SLC9A9: variants seen among roughly 807,000 people sequenced by gnomAD.
SLC9A9 encodes the protein sodium/hydrogen exchanger 9.
SLC9A9 carries 62 observed loss-of-function variants against 77.8 expected under a neutral mutation model. The ratio of observed to expected loss-of-function variants is 0.80; its 90% CI spans 0.65 to 0.98. SLC9A9 has a LOEUF of 0.98. SLC9A9 is among the 50% of genes least tolerant of loss of function. SLC9A9 has a pLI of 0.00. For missense variants in SLC9A9, 775 were observed against 774.9 expected (o/e 1.00, Z 0.00); for synonymous variants, 320 against 283.5 (o/e 1.13, Z -1.29).
chr3:143,749,684 C>T (rs542383932), intron 4 of SLC9A9, among the ~76,000 whole-genome samples: 6 of 152,254 alleles, frequency 3.9e-5, no homozygotes, highest in Non-Finnish European at 5.9e-5. Context: ...ATTTCCAGGA[C>T]GAAGTGGTTC....
chr3:143,644,768 T>C (rs568900476), intron 6 of SLC9A9, among the ~76,000 whole-genome samples: 1 of 152,278 alleles, frequency 6.6e-6, no homozygotes, highest in Admixed American at 6.5e-5. Flanking sequence ...CCATAACTTT[T>C]TTTTTTTTTA....
At chr3:143,773,003 G>A (rs1168905060) in intron 4 of SLC9A9, among the ~76,000 whole-genome samples, 2 of 152,192 alleles carry the variant, frequency 1.3e-5, no homozygotes, top group Non-Finnish European at 2.9e-5. Flanking sequence ...CTATACAGAA[G>A]ATCATTGTTG....
intron 14 of SLC9A9, among the ~76,000 whole-genome samples, chr3:143,355,067 C>T (rs1176290990): frequency 6.6e-6 from 1 of 152,190 alleles, no homozygotes; most frequent in Non-Finnish European, 1.5e-5. Context: ...AGTGAAACAA[C>T]TGCATGTGCA....
chr3:143,815,203 A>T (rs1327978806), intron 2 of SLC9A9, among the ~76,000 whole-genome samples: 1 of 152,254 alleles, frequency 6.6e-6, no homozygotes, highest in African/African-American at 2.4e-5. Flanking sequence ...ACTCAAAGAC[A>T]TTCAAATCTG....
intron 14 of SLC9A9, among the ~76,000 whole-genome samples, chr3:143,295,604 G>C (rs570351139): frequency 6.6e-6 from 1 of 152,130 alleles, no homozygotes; most frequent in Admixed American, 6.6e-5. Flanking sequence ...TTAAAGAAAG[G>C]TTGCCCCTAT....
intron 4 of SLC9A9, among the ~76,000 whole-genome samples, chr3:143,720,248 TA>T (rs1413630746): frequency 7.0e-6 from 1 of 143,042 alleles, no homozygotes; most frequent in African/African-American, 2.5e-5. Flanking sequence ...TTTATATATA[TA>T]TATTTTTTTT....
At chr3:143,770,327 C>G (rs1212551457) in intron 4 of SLC9A9, among the ~76,000 whole-genome samples, 1 of 151,992 alleles carries the variant, frequency 6.6e-6, no homozygotes, top group African/African-American at 2.4e-5. Flanking sequence ...TAGTAAGGTA[C>G]TAGTGCTTAA....
intron 4 of SLC9A9, among the ~76,000 whole-genome samples, chr3:143,783,844 G>A (rs994832651): frequency 2.6e-5 from 4 of 152,112 alleles, no homozygotes; most frequent in Non-Finnish European, 4.4e-5. Context: ...TCCAAGGCCC[G>A]GGAAAGGTGT....
rs140905936 is a variant in SLC9A9, at chr3:143,284,488, C to T, written c.1605-15508G>A. On this transcript the variant is annotated intron_variant, in intron 14 of 15. Coordinates refer to ENST00000316549, the MANE Select transcript of SLC9A9 (RefSeq NM_173653.4). Reference sequence around the variant, plus strand: ...TTGATTGTGACCTTCAGCCAGAATTCGTCTCTAAATATTTTAGCAGGATGG... The same window carrying T: ...TTGATTGTGACCTTCAGCCAGAATTTGTCTCTAAATATTTTAGCAGGATGG... Among the ~76,000 whole-genome samples the T allele has an allele frequency of 3.6e-4, 54 of 150,998 alleles. No individual in the cohort carries two copies. The East Asian group carries it at 6.8e-3, about 19-fold the overall frequency.
intron 11 of SLC9A9, among the ~76,000 whole-genome samples, chr3:143,483,707 C>A (rs772660975): frequency 4.6e-5 from 7 of 152,180 alleles, no homozygotes; most frequent in African/African-American, 7.2e-5. Flanking sequence ...GAATCCACTT[C>A]TGCTTGGAAA....
At chr3:143,316,931 A>G (rs1303937746) in intron 14 of SLC9A9, among the ~76,000 whole-genome samples, 1 of 152,122 alleles carries the variant, frequency 6.6e-6, no homozygotes, top group Non-Finnish European at 1.5e-5. Context: ...GCACATGATC[A>G]CACAGATACT....
intron 9 of SLC9A9, among the ~76,000 whole-genome samples, chr3:143,512,284 T>A (rs1559946942): frequency 6.6e-6 from 1 of 152,228 alleles, no homozygotes; most frequent in Non-Finnish European, 1.5e-5. Context: ...ACTGAGCAAT[T>A]ACACTTACTA....
At chr3:143,771,299 T>C (rs538413892) in intron 4 of SLC9A9, among the ~76,000 whole-genome samples, 2 of 152,286 alleles carry the variant, frequency 1.3e-5, no homozygotes, top group Admixed American at 1.3e-4. Context: ...GTTCACTGAG[T>C]GCCAACTCTT....
At chr3:143,458,164 A>G (rs1244163578) in intron 12 of SLC9A9, among the ~76,000 whole-genome samples, 1 of 152,014 alleles carries the variant, frequency 6.6e-6, no homozygotes, top group Non-Finnish European at 1.5e-5. Context: ...TGGAAAATAA[A>G]CTCTTTTATC....
At chr3:143,272,576 T>C (rs142986617) in intron 14 of SLC9A9, among the ~76,000 whole-genome samples, 108 of 152,292 alleles carry the variant, frequency 7.1e-4, no homozygotes, top group African/African-American at 2.5e-3. Context: ...CAATTTGGAA[T>C]TGGGGACTTC....
At chr3:143,589,877 A>G (rs1387097949) in intron 6 of SLC9A9, among the ~76,000 whole-genome samples, 1 of 152,202 alleles carries the variant, frequency 6.6e-6, no homozygotes, top group African/African-American at 2.4e-5. Flanking sequence ...TAACTCGAAC[A>G]TACACCCCAA....
intron 12 of SLC9A9, among the ~76,000 whole-genome samples, chr3:143,390,981 G>C (rs1406147649): frequency 6.6e-6 from 1 of 152,226 alleles, no homozygotes; most frequent in Non-Finnish European, 1.5e-5. Context: ...GCCCACCGCA[G>C]CTCAAGGAGG....
At chr3:143,314,955 T>C (rs192449258) in intron 14 of SLC9A9, among the ~76,000 whole-genome samples, 6 of 152,324 alleles carry the variant, frequency 3.9e-5, no homozygotes, top group Admixed American at 2.0e-4. Context: ...CAGTGCTCTA[T>C]CTATTAGCCC....
At chr3:143,275,860 G>A (rs73868707) in intron 14 of SLC9A9, among the ~76,000 whole-genome samples, 4,280 of 152,110 alleles carry the variant, frequency 0.028, 83 homozygotes, top group Middle Eastern at 0.061. Flanking sequence ...ACCTCTATTC[G>A]TTTCTATTAT....
Sources: allele counts gnomAD v4.1 joint callset (sites outside exome capture counted in the v4.1 genomes callset), GRCh38; gene constraint gnomAD v4.1.1; transcripts MANE v1.5; gene names NCBI Gene and HGNC (gene_info 2026-07-23, HGNC 2026-07-21).